The following NBPF12 variants were observed in gnomAD, a reference collection of about 807,000 sequenced individuals.
NBPF12 encodes the protein NBPF member 12, also known as NBPF family member NBPF12.
Under a neutral mutation model 146.4 loss-of-function variants are expected in NBPF12, and 115 were observed. The observed-to-expected ratio is 0.79, with a 90% CI of 0.68 to 0.92. The LOEUF (loss-of-function observed/expected upper bound fraction) is 0.92, where lower values mean the gene tolerates loss of function less well. Among genes scored for constraint, NBPF12 ranks in the 40% least tolerant of loss-of-function variants. The probability of loss-of-function intolerance (pLI) is 0.00; values close to 1 mark genes in which losing one functional copy is unlikely to be tolerated. For synonymous variants in NBPF12, 385 were observed against 508.9 expected (o/e 0.76, Z 3.28); for missense variants, 1,205 against 1,326.8 (o/e 0.91, Z 1.43).
chr1:146,964,338 G>A lies in NBPF12; in HGVS notation c.494-19G>A, dbSNP rs1346150073. 6.2e-7 allele frequency: 1 copy of A among 1,602,288 alleles called. No individual in the cohort carries two copies. The highest frequency in any genetic ancestry group is 1.7e-5 in the Admixed American group (1 of 59,978). ...AATGTGAAGTGGGACATATCTGAAT[G>A]AACATTTTGTATTTATAGAAAATGA... On this transcript the variant is annotated intron_variant, in intron 6 of 33. Transcript: ENST00000617844.
In NBPF12 at chr1:146,965,084, A is replaced by T. The variant is rs1185800587; in HGVS notation, c.758A>T (p.Asp253Val). 5.0e-6 allele frequency: 8 copies of T among 1,599,342 alleles called. 1 individual carries two copies. Among genetic ancestry groups the T allele is most frequent in the African/African-American group, 2.8e-5 (2 of 71,380 alleles). The stretch of plus-strand genomic sequence containing the variant: ...AAATCCTCTCATGATGAATGTCAGG[A>T]TGCTCTAAACATTCTCCCAGGTAGC... The change falls in exon 8 of 34, where the codon GAT becomes GTT. Residue 253 changes from aspartate (D) to valine (V), a missense_variant. Asp to Val is a radical substitution (Grantham distance 152). Transcript: ENST00000617844.
intron 1 of NBPF12, among the ~76,000 whole-genome samples, chr1:146,942,331 G>A (rs1654844795): frequency 6.7e-6 from 1 of 149,354 alleles, no homozygotes; most frequent in Admixed American, 6.8e-5. Flanking sequence ...ATTTAAAACA[G>A]GTACTAAAAT....
At chr1:146,966,436 A>C (rs1656215769) in intron 8 of NBPF12, 28 bp from the exon 12 acceptor site, 1 of 1,330,376 alleles carries the variant, frequency 7.5e-7, no homozygotes, top group African/African-American at 1.5e-5. Flanking sequence ...TTTTTAACCC[A>C]TCATGTGTTT....
upstream of NBPF12, among the ~76,000 whole-genome samples, chr1:146,945,739 T>C (rs1655025743): frequency 6.6e-6 from 1 of 152,110 alleles, no homozygotes; most frequent in Non-Finnish European, 1.5e-5. Context: ...CCCCTATTAG[T>C]ATATTGTATT....
intron 12 of NBPF12, 112 bp from the exon 16 acceptor site, chr1:146,971,071 G>A: frequency 6.4e-7 from 1 of 1,552,370 alleles, no homozygotes; most frequent in South Asian, 1.1e-5. Context: ...CCTCCATTTT[G>A]CTTTCTGGGA....
intron 8 of NBPF12, among the ~76,000 whole-genome samples, chr1:146,966,004 G>C (rs1352233827): frequency 6.6e-6 from 1 of 151,574 alleles, no homozygotes; most frequent in Non-Finnish European, 1.5e-5. Flanking sequence ...ATGCTTGGCA[G>C]GCTGAGTGAT....
At chr1:146,984,652 C>T (rs1657629319) in intron 21 of NBPF12, among the ~76,000 whole-genome samples, 161 bp from the exon 25 acceptor site, 1 of 143,458 alleles carries the variant, frequency 7.0e-6, no homozygotes, top group African/African-American at 2.8e-5. Flanking sequence ...TTCTACCTGG[C>T]CCTAGTCTAT....
upstream of NBPF12, among the ~76,000 whole-genome samples, chr1:146,948,519 C>T (rs1348424000): frequency 5.3e-5 from 8 of 151,882 alleles, no homozygotes; most frequent in African/African-American, 1.9e-4. Context: ...TCAGGGTGTG[C>T]TTTGTTAAAC....
At chr1:146,965,222 A>G (rs1480993352) in intron 8 of NBPF12, 118 bp downstream of exon 11, 2 of 747,808 alleles carry the variant, frequency 2.7e-6, no homozygotes, top group Non-Finnish European at 4.8e-6. Context: ...GGATGGAGCT[A>G]GGTGCTGTGA....
Position 146,969,735 on chromosome 1 carries a change from C to A in NBPF12, c.1306+139C>A, listed in dbSNP as rs1194187645. The stretch of plus-strand genomic sequence containing the variant: ...TGTGGCCATGACATGACCAGGACTT[C>A]CTGGGTAAGAACGGAGATGGGAAAC... On this transcript the variant is annotated intron_variant, in intron 11 of 33. Coordinates refer to ENST00000617844, the Ensembl canonical transcript of NBPF12. The A allele has an allele frequency of 1.4e-5, 21 of 1,518,886 alleles. No individual in the cohort carries two copies. In the African/African-American group the frequency reaches 2.8e-4, roughly 20 times the overall value. 94.1% of individuals were successfully genotyped at this position (1,518,886 alleles called of 1,614,324 possible).
At chr1:146,971,808 G>T (rs1453275651) in intron 13 of NBPF12, among the ~76,000 whole-genome samples, 1 of 150,460 alleles carries the variant, frequency 6.6e-6, no homozygotes, top group Non-Finnish European at 1.5e-5. Context: ...GGCCAGGCGC[G>T]GTGGCTCACA....
In NBPF12 at chr1:146,974,936, A is replaced by G; in HGVS notation, c.1904+95A>G. ...GGAGACGTAAGAGCTAAGCTGGGCC[A>G]GGGGAAGGGCAGGAATTGCCATGGC... is the stretch of plus-strand genomic sequence containing the variant. On this transcript the variant is annotated intron_variant, in intron 15 of 33. Coordinates refer to ENST00000617844, the Ensembl canonical transcript of NBPF12. 8 of 607,634 alleles carry G rather than the reference A, an allele frequency of 1.3e-5. No individual in the cohort carries two copies. In the South Asian group the frequency reaches 1.4e-4, roughly 11 times the overall value. 37.6% of individuals were successfully genotyped at this position (607,634 alleles called of 1,614,324 possible). A position where few individuals can be genotyped will look rare whatever the true frequency, so the allele number is the denominator to read the frequency against.
At chr1:146,954,413 A>AAG (rs1491410120) in intron 2 of NBPF12, among the ~76,000 whole-genome samples, 2,645 of 107,956 alleles carry the variant, frequency 0.025, no homozygotes, top group East Asian at 0.056. Flanking sequence ...AAAAAAAAAA[A>AAG]GGAAAGTCAA....
rs1658031911 is a variant in NBPF12, at chr1:146,989,751, G to C, written c.3571+5G>C. 6.3e-7 allele frequency: 1 copy of C among 1,597,298 alleles called. No homozygotes were observed. Among genetic ancestry groups the C allele is most frequent in the Non-Finnish European group, 8.6e-7 (1 of 1,165,188 alleles). On this transcript the variant is annotated splice_donor_5th_base_variant and intron_variant, in intron 28 of 33. Coordinates refer to ENST00000617844, the Ensembl canonical transcript of NBPF12. ...GCTTGGCTGTTGACATGGATGGTGA[G>C]TACCTTTCTATGAAGGTGATAAGGA...
At chr1:146,946,541 T>C (rs1655080990), upstream of NBPF12, among the ~76,000 whole-genome samples, 1 of 126,870 alleles carries the variant, frequency 7.9e-6, no homozygotes, top group African/African-American at 2.9e-5. Context: ...TTTTTTTTGC[T>C]TTGTGTTGTT....
At chr1:146,981,374 A>C (rs1373661443) in intron 19 of NBPF12, among the ~76,000 whole-genome samples, 175 of 149,994 alleles carry the variant, frequency 1.2e-3, no homozygotes, top group African/African-American at 4.2e-3. Context: ...AGAATGTTGA[A>C]TATTGCTCCC....
chr1:146,992,462 C>CTCTCTCTCTCTCTCTCTG (rs1450490306), intron 31 of NBPF12, among the ~76,000 whole-genome samples: 1 of 66,256 alleles, frequency 1.5e-5, no homozygotes, highest in African/African-American at 7.2e-5. Flanking sequence ...CTCTCTCTCT[C>CTCTCTCTCTCTCTCTCTG]TGTGTGTGTG....
chr1:146,954,999 TATATATATATATATACAC>T (rs1235832589), intron 2 of NBPF12, among the ~76,000 whole-genome samples: 9 of 53,816 alleles, frequency 1.7e-4, no homozygotes, highest in African/African-American at 6.9e-4. Context: ...TATATATATA[TATATATATATATATACAC>T]ACACACACAC....
chr1:146,950,430 G>A (rs1655278181), intron 1 of NBPF12, among the ~76,000 whole-genome samples: 1 of 151,886 alleles, frequency 6.6e-6, no homozygotes, highest in South Asian at 2.1e-4. Context: ...AGTTCAAAAT[G>A]AGGGAACATG....
Sources: gnomAD v4.1 joint callset for allele counts (sites outside exome capture counted in the v4.1 genomes callset) on GRCh38, gnomAD v4.1.1 for gene constraint, MANE v1.5 for transcripts, NCBI Gene and HGNC (gene_info 2026-07-23, HGNC 2026-07-21) for gene names.